CDCA7L: variants seen among roughly 807,000 people sequenced by gnomAD.
The protein encoded by CDCA7L is cell division cycle associated 7 like.
Under a neutral mutation model 57.4 loss-of-function variants are expected in CDCA7L, and 44 were observed. The ratio of observed to expected loss-of-function variants is 0.77; its 90% CI spans 0.60 to 0.98. The LOEUF is 0.98. Ranked by LOEUF, CDCA7L falls within the 50% of genes least tolerant of loss-of-function variation. The pLI is 0.00. For synonymous variants in CDCA7L, 236 were observed against 202.8 expected, an observed-to-expected ratio of 1.16 and a Z score of -1.39; for missense variants, 644 against 580.6, an observed-to-expected ratio of 1.11 and a Z score of -1.12.
Position 21,904,181 on chromosome 7 carries a change from G to T in CDCA7L, c.1126C>A (p.Arg376=), listed in dbSNP as rs1376467091. The T allele has an allele frequency of 1.2e-6, 2 of 1,613,344 alleles. No homozygotes were observed. The highest frequency in any genetic ancestry group is 1.3e-5 in the African/African-American group (1 of 74,852). Reference sequence around the variant, plus strand: ...AGGCATGGTCCACAGAACTGTCCTCGCACACCACAGCAACCCTGGTTCCGA... The same window carrying T: ...AGGCATGGTCCACAGAACTGTCCTCTCACACCACAGCAACCCTGGTTCCGA... ...VCRNQGCCGV[R]GQFCGPCLRN... is the part of the protein sequence containing the mutation. The change falls in exon 8 of 10, where the codon CGA becomes AGA. Residue 376 remains arginine, a synonymous_variant. Coordinates refer to ENST00000406877, the MANE Select transcript of CDCA7L (RefSeq NM_018719.5).
Position 21,902,074 on chromosome 7 carries a change from C to T in CDCA7L, c.*248G>A, listed in dbSNP as rs373567934. ...TTAAACTGTGCTTTTTAATAACTGGCAGATATTTTTAACAAAGTTCAGCAT... is the reference window on the plus strand; with the variant it reads ...TTAAACTGTGCTTTTTAATAACTGGTAGATATTTTTAACAAAGTTCAGCAT... On this transcript the variant is annotated 3_prime_UTR_variant, in exon 10 of 10. Transcript: ENST00000406877. 7.0e-5 allele frequency: 35 copies of T among 502,054 alleles called. No individual in the cohort carries two copies. Among genetic ancestry groups the T allele is most frequent in the East Asian group, 6.2e-4 (20 of 32,124 alleles). 31.1% of individuals were successfully genotyped at this position (502,054 alleles called of 1,614,324 possible).
At chr7:21,909,640 A>G (rs1282888171) in intron 3 of CDCA7L, among the ~76,000 whole-genome samples, 1 of 152,180 alleles carries the variant, frequency 6.6e-6, no homozygotes, top group East Asian at 1.9e-4. Flanking sequence ...TCCCATATTA[A>G]TAGCTTCAGA....
intron 4 of CDCA7L, among the ~76,000 whole-genome samples, chr7:21,907,131 C>T (rs903315214): frequency 1.8e-4 from 28 of 151,952 alleles, no homozygotes; most frequent in Non-Finnish European, 8.8e-5. Flanking sequence ...GATATTCCTA[C>T]GTGAACTAAT....
chr7:21,939,287 A>T (rs553913207), intron 1 of CDCA7L, among the ~76,000 whole-genome samples: 1 of 152,226 alleles, frequency 6.6e-6, no homozygotes, highest in African/African-American at 2.4e-5. Context: ...GCGGCACAAC[A>T]TTGTGACTAT....
chr7:21,940,288 G>A (rs1786298719), intron 1 of CDCA7L: 1 of 984,418 alleles, frequency 1.0e-6, no homozygotes, highest in Non-Finnish European at 1.2e-6. Flanking sequence ...CAGCCCTGAT[G>A]ACTTCCAAAC....
intron 1 of CDCA7L, among the ~76,000 whole-genome samples, chr7:21,918,931 C>T (rs897138430): frequency 6.6e-6 from 1 of 152,164 alleles, no homozygotes; most frequent in Admixed American, 6.5e-5. Context: ...TGTGAATAGC[C>T]TCCCTGATAA....
Position 21,901,348 on chromosome 7 carries a change from T to TTAGTAACTCACACGTG in CDCA7L, c.*958_*973dup. 7.0e-7 allele frequency: 1 copy of TTAGTAACTCACACGTG among 1,421,140 alleles called. No homozygotes were observed. The highest frequency in any genetic ancestry group is 9.2e-7 in the Non-Finnish European group (1 of 1,081,612). The allele number at this position is 1,421,140 out of a possible 1,614,324, so 88.0% of individuals were successfully genotyped here. On this transcript the variant is annotated 3_prime_UTR_variant, in exon 10 of 10. Transcript: ENST00000406877. ...TTCCCATGCACATTATTCTAACTTT[T>TTAGTAACTCACACGTG]TAGTAACTCACACGTGCATTCTTTT...
At chr7:21,907,807 C>T (rs569974171) in intron 4 of CDCA7L, among the ~76,000 whole-genome samples, 45 of 152,238 alleles carry the variant, frequency 3.0e-4, no homozygotes, top group African/African-American at 1.1e-3. Context: ...CTGCTGGGAA[C>T]GGGCTAGTTG....
chr7:21,908,397 ACTTCTTCTAGACCTG>A lies in CDCA7L; in HGVS notation c.399_413del (p.Arg134_Ser138del), dbSNP rs767220245. On this transcript the variant is annotated inframe_deletion, in exon 4 of 10. Coordinates refer to ENST00000406877, the MANE Select transcript of CDCA7L (RefSeq NM_018719.5). Reference sequence around the variant, plus strand: ...GAAAGGCTACTCGAAGACCAATACTACTTCTTCTAGACCTGCTTCTTCTAGGGGTAGCCTTATCTT... The same window carrying A: ...GAAAGGCTACTCGAAGACCAATACTACTTCTTCTAGGGGTAGCCTTATCTT... 6 of 1,604,446 alleles carry A rather than the reference ACTTCTTCTAGACCTG, an allele frequency of 3.7e-6. No homozygotes were observed. Among genetic ancestry groups the A allele is most frequent in the African/African-American group, 2.7e-5 (2 of 73,684 alleles).
Position 21,911,754 on chromosome 7 carries a change from G to C in CDCA7L, c.166C>G (p.Gln56Glu). The C allele has an allele frequency of 1.2e-6, 2 of 1,610,802 alleles. No homozygotes were observed. Among genetic ancestry groups the C allele is most frequent in the Non-Finnish European group, 1.7e-6 (2 of 1,179,110 alleles). ...SFDSLESGKQ[Q>E]DVRFHSKYFT... ...TATTTGGAATGAAAGCGCACATCCT[G>C]CTAAATTAAAGACACACATACATCA... The change falls in exon 3 of 10, where the codon CAG becomes GAG. Residue 56 changes from glutamine to glutamate, a missense_variant and splice_region_variant. By Grantham distance (29) the Gln-to-Glu change is conservative. Transcript: ENST00000406877.
intron 1 of CDCA7L, among the ~76,000 whole-genome samples, chr7:21,920,911 T>G (rs1171576009): frequency 6.6e-6 from 1 of 152,174 alleles, no homozygotes; most frequent in African/African-American, 2.4e-5. Flanking sequence ...ATTTCAGTCT[T>G]TTTCTTTTGG....
At chr7:21,927,264 C>T (rs922735827) in intron 1 of CDCA7L, among the ~76,000 whole-genome samples, 2 of 151,958 alleles carry the variant, frequency 1.3e-5, no homozygotes, top group African/African-American at 4.8e-5. Context: ...ACAAAAAGCA[C>T]AAAGAACTAA....
chr7:21,902,853 T>TGG, intron 9 of CDCA7L, 125 bp downstream of exon 9: 1 of 787,708 alleles, frequency 1.3e-6, no homozygotes, highest in South Asian at 1.8e-5. Context: ...ACAGAATGGA[T>TGG]GGTACTCGTG....
At chr7:21,906,011 G>T (rs942448013) in intron 6 of CDCA7L, among the ~76,000 whole-genome samples, 2 of 152,168 alleles carry the variant, frequency 1.3e-5, no homozygotes, top group African/African-American at 4.8e-5. Context: ...TTTATTGCCT[G>T]CAGCAGAGAT....
intron 2 of CDCA7L, among the ~76,000 whole-genome samples, chr7:21,915,003 G>A (rs750972960): frequency 1.1e-4 from 17 of 152,188 alleles, no homozygotes; most frequent in Non-Finnish European, 2.4e-4. Flanking sequence ...AACAGGCTCT[G>A]CTCTCCCCAC....
chr7:21,901,400 C>T lies in CDCA7L; in HGVS notation c.*922G>A. On this transcript the variant is annotated 3_prime_UTR_variant, in exon 10 of 10. Transcript: ENST00000406877. ...TCAACGCTATCCTTAGAGTGAAAGT[C>T]AGAAAAAAATACTAGAAACTAACTC... 1 of 1,176,226 alleles carries T rather than the reference C, an allele frequency of 8.5e-7. No homozygotes were observed. The highest frequency in any genetic ancestry group is 1.1e-6 in the Non-Finnish European group (1 of 905,996). The allele number at this position is 1,176,226 out of a possible 1,614,324, so 72.9% of individuals were successfully genotyped here.
intron 7 of CDCA7L, among the ~76,000 whole-genome samples, chr7:21,904,514 C>T (rs1472151929): frequency 6.6e-6 from 1 of 152,212 alleles, no homozygotes; most frequent in African/African-American, 2.4e-5. Flanking sequence ...AGCATTACCG[C>T]CTGAGCTCTG....
At chr7:21,917,855 T>C (rs1055439377) in intron 1 of CDCA7L, among the ~76,000 whole-genome samples, 1 of 152,270 alleles carries the variant, frequency 6.6e-6, no homozygotes, top group East Asian at 1.9e-4. Context: ...CATTCTCCCA[T>C]AGAACCACAA....
chr7:21,912,334 C>T (rs1785358827), intron 2 of CDCA7L, among the ~76,000 whole-genome samples: 4 of 152,186 alleles, frequency 2.6e-5, no homozygotes, highest in African/African-American at 9.7e-5. Flanking sequence ...TACATATATA[C>T]ACATTTTCTA....
Sources: gnomAD v4.1 joint callset for allele counts (sites outside exome capture counted in the v4.1 genomes callset) on GRCh38, gnomAD v4.1.1 for gene constraint, MANE v1.5 for transcripts, NCBI Gene and HGNC (gene_info 2026-07-23, HGNC 2026-07-21) for gene names.